The following GPHN variants were observed in gnomAD, a reference collection of about 807,000 sequenced individuals.
GPHN encodes the protein gephyrin.
In GPHN, 17 loss-of-function variants were observed where a neutral mutation model predicts 95.5. The observed-to-expected ratio is 0.18, with a 90% CI of 0.12 to 0.27. The LOEUF (loss-of-function observed/expected upper bound fraction) is 0.27. Among genes scored for constraint, GPHN ranks in the 10% least tolerant of loss-of-function variants. The pLI, the probability that GPHN is intolerant of heterozygous loss-of-function variation, is 1.00. For synonymous variants in GPHN, 320 were observed against 322.5 expected (o/e 0.99, Z 0.08); for missense variants, 660 against 978.1 (o/e 0.67, Z 4.34).
the GPHN span, among the ~76,000 whole-genome samples, chr14:67,675,417 A>C: frequency 6.6e-6 from 1 of 152,060 alleles, no homozygotes; most frequent in South Asian, 2.1e-4. Flanking sequence ...AGGTCCCACC[A>C]CTGCACTCCA....
rs1335453851 is a variant in GPHN at position 66,939,825 on chromosome 14, CCTAT to C, written c.828+15537_828+15540del. On this transcript the variant is annotated intron_variant, in intron 8 of 22. Transcript: ENST00000478722. ...ACAGCAGTCACATCTCCTTCAGAGGCCTATCTAAGGGTCCCCAACAAAAGGGACC... is the reference window on the plus strand; with the variant it reads ...ACAGCAGTCACATCTCCTTCAGAGGCCTAAGGGTCCCCAACAAAAGGGACC... Among the ~76,000 whole-genome samples the C allele has an allele frequency of 3.3e-5, 5 of 152,302 alleles. No individual in the cohort carries two copies. The East Asian group carries it at 7.7e-4, about 24-fold the overall frequency.
the GPHN span, among the ~76,000 whole-genome samples, chr14:67,671,845 T>G: frequency 6.6e-6 from 1 of 152,170 alleles, no homozygotes; most frequent in Admixed American, 6.5e-5. Context: ...AGGGCTGAAC[T>G]AACCCACTCT....
At chr14:67,732,140 A>T in the GPHN span, among the ~76,000 whole-genome samples, 3 of 139,302 alleles carry the variant, frequency 2.2e-5, no homozygotes, top group Admixed American at 7.3e-5. Context: ...AAAAAAAAAA[A>T]AAAAAAAAAT....
At chr14:67,570,648 A>G in the GPHN span, 3 of 152,450 alleles carry the variant, frequency 2.0e-5, no homozygotes, top group East Asian at 5.8e-4. Flanking sequence ...AAAGGTGCTC[A>G]TATACATGTC....
the GPHN span, among the ~76,000 whole-genome samples, chr14:67,712,206 C>A: frequency 2.6e-5 from 4 of 152,082 alleles, no homozygotes; most frequent in Non-Finnish European, 5.9e-5. Context: ...AGGCGTGAAC[C>A]ACCACACCCG....
At chr14:67,261,751 G>A in the GPHN span, among the ~76,000 whole-genome samples, 1 of 147,916 alleles carries the variant, frequency 6.8e-6, no homozygotes, top group African/African-American at 2.6e-5. Flanking sequence ...GATTGCCTTC[G>A]CTGCTTGGTA....
At chr14:67,128,194 C>T (rs951318113) in intron 17 of GPHN, among the ~76,000 whole-genome samples, 70 of 152,176 alleles carry the variant, frequency 4.6e-4, no homozygotes, top group Middle Eastern at 3.4e-3. Context: ...CTAGTAAAGC[C>T]TAGATATTCT....
chr14:67,092,389 G>T (rs183165604), intron 12 of GPHN, among the ~76,000 whole-genome samples: 1 of 151,908 alleles, frequency 6.6e-6, no homozygotes, highest in African/African-American at 2.4e-5. Flanking sequence ...CTTTACTCTG[G>T]TTCCTTTCTC....
At chr14:67,569,197 A>G in the GPHN span, 1 of 1,612,038 alleles carries the variant, frequency 6.2e-7, no homozygotes, top group Non-Finnish European at 8.5e-7. Flanking sequence ...TGTCTCCCAG[A>G]AGTAATACTG....
At chr14:66,737,364 G>T (rs1225616845) in intron 2 of GPHN, among the ~76,000 whole-genome samples, 1 of 152,172 alleles carries the variant, frequency 6.6e-6, no homozygotes, top group East Asian at 1.9e-4. Flanking sequence ...TCAATTTTGG[G>T]GTGGTGTGGA....
chr14:67,592,732 A>C, the GPHN span: 52 of 1,481,058 alleles, frequency 3.5e-5, no homozygotes, highest in East Asian at 9.9e-4. Flanking sequence ...TAAGAAAATA[A>C]ATCAAATAGC....
chr14:66,675,275 C>T (rs913987740), intron 1 of GPHN, among the ~76,000 whole-genome samples: 1 of 151,698 alleles, frequency 6.6e-6, no homozygotes, highest in Non-Finnish European at 1.5e-5. Flanking sequence ...TCCTGAGTAG[C>T]TGGGGACTAT....
At chr14:67,366,081 CTT>C in the GPHN span, among the ~76,000 whole-genome samples, 29 of 140,976 alleles carry the variant, frequency 2.1e-4, no homozygotes, top group Middle Eastern at 3.7e-3. Context: ...TAATCTTGTA[CTT>C]TTTTTTTTTT....
intron 3 of GPHN, among the ~76,000 whole-genome samples, chr14:66,812,562 A>G (rs531656528): frequency 5.5e-4 from 84 of 152,340 alleles, no homozygotes; most frequent in African/African-American, 2.0e-3. Context: ...GAGTGAAGAG[A>G]TAGGAAATCT....
At chr14:66,810,736 C>A (rs1314083918) in intron 3 of GPHN, among the ~76,000 whole-genome samples, 1 of 151,910 alleles carries the variant, frequency 6.6e-6, no homozygotes, top group East Asian at 1.9e-4. Context: ...TTTTTTAGTT[C>A]TTGTTATGTA....
At chr14:67,210,858 G>A in the GPHN span, among the ~76,000 whole-genome samples, 1 of 151,960 alleles carries the variant, frequency 6.6e-6, no homozygotes. Context: ...ACAAAAATTA[G>A]TTAGATGTGG....
At chr14:67,566,562 C>T in the GPHN span, among the ~76,000 whole-genome samples, 42 of 148,262 alleles carry the variant, frequency 2.8e-4, no homozygotes, top group African/African-American at 9.0e-4. Flanking sequence ...CTGGGCAACA[C>T]GGCGAAACCC....
the GPHN span, among the ~76,000 whole-genome samples, chr14:67,356,440 A>C: frequency 5.3e-3 from 756 of 141,920 alleles, 6 homozygotes; most frequent in Non-Finnish European, 6.7e-3. Flanking sequence ...AAAACAAAAA[A>C]AAAAAAACAA....
chr14:66,826,771 C>T (rs1014847161), intron 4 of GPHN, among the ~76,000 whole-genome samples: 4 of 152,116 alleles, frequency 2.6e-5, no homozygotes, highest in Non-Finnish European at 5.9e-5. Context: ...AGCGCCCCTC[C>T]GGCACCTTGA....
Sources: gnomAD v4.1 joint callset for allele counts (sites outside exome capture counted in the v4.1 genomes callset) on GRCh38, gnomAD v4.1.1 for gene constraint, MANE v1.5 for transcripts, NCBI Gene and HGNC (gene_info 2026-07-23, HGNC 2026-07-21) for gene names.